The following DDR2 variants were observed in gnomAD, a reference collection of about 807,000 sequenced individuals.
DDR2 encodes the protein discoidin domain-containing receptor 2.
In DDR2, 27 loss-of-function variants were observed where a neutral mutation model predicts 94.9. The ratio of observed to expected loss-of-function variants is 0.28; its 90% CI spans 0.21 to 0.39. The LOEUF is 0.39. DDR2 is among the 10% of genes least tolerant of loss of function. The probability of loss-of-function intolerance (pLI) is 1.00; values close to 1 mark genes in which losing one functional copy is unlikely to be tolerated. For missense variants in DDR2, 783 were observed against 1,076.0 expected (o/e 0.73, Z 3.81); for synonymous variants, 382 against 377.2 (o/e 1.01, Z -0.15).
At chr1:162,755,472 C>A (rs565818129) in intron 6 of DDR2, among the ~76,000 whole-genome samples, 169 bp downstream of exon 6, 1 of 152,278 alleles carries the variant, frequency 6.6e-6, no homozygotes, top group South Asian at 2.1e-4. Context: ...GCTTAGGGCC[C>A]CACACTGAGT....
At chr1:162,690,498 G>T (rs1198405978) in intron 2 of DDR2, among the ~76,000 whole-genome samples, 1 of 151,936 alleles carries the variant, frequency 6.6e-6, no homozygotes, top group Non-Finnish European at 1.5e-5. Flanking sequence ...CATGTGCTAG[G>T]CATTGTTAGT....
intron 3 of DDR2, among the ~76,000 whole-genome samples, chr1:162,750,137 G>A (rs1018445402): frequency 5.0e-4 from 76 of 152,282 alleles, no homozygotes; most frequent in African/African-American, 1.8e-3. Flanking sequence ...TGGATGTTCT[G>A]GCCAGGGCAA....
At chr1:162,769,004 CCTT>C (rs1240586672) in intron 11 of DDR2, among the ~76,000 whole-genome samples, 1 of 152,184 alleles carries the variant, frequency 6.6e-6, no homozygotes, top group African/African-American at 2.4e-5. Flanking sequence ...GGATATGTGA[CCTT>C]CTTAAATAGT....
chr1:162,644,789 T>A (rs1657326886), intron 1 of DDR2, among the ~76,000 whole-genome samples: 1 of 151,884 alleles, frequency 6.6e-6, no homozygotes, highest in Admixed American at 6.6e-5. Context: ...AGACAGGGGG[T>A]TTCACTCTGT....
chr1:162,682,228 T>C (rs1445322317), intron 2 of DDR2, among the ~76,000 whole-genome samples: 1 of 152,186 alleles, frequency 6.6e-6, no homozygotes, highest in Non-Finnish European at 1.5e-5. Context: ...GGCTTAAGTA[T>C]GCATCTCCTT....
At chr1:162,753,934 T>C (rs889391554) in intron 4 of DDR2, among the ~76,000 whole-genome samples, 2 of 151,984 alleles carry the variant, frequency 1.3e-5, no homozygotes, top group Non-Finnish European at 2.9e-5. Context: ...TGATGGTAGG[T>C]GGAATTGGAA....
At chr1:162,768,293 G>C (rs775444540) in intron 11 of DDR2, among the ~76,000 whole-genome samples, 3 of 152,194 alleles carry the variant, frequency 2.0e-5, no homozygotes, top group Non-Finnish European at 4.4e-5. Flanking sequence ...CTTAGTGTCT[G>C]ATTCTTTTGG....
Position 162,760,358 on chromosome 1 carries a change from T to TTGTGTGTG in DDR2, c.855+395_855+402dup, listed in dbSNP as rs113653768. On this transcript the variant is annotated intron_variant, in intron 8 of 17. Transcript: ENST00000367921. ...AAAGATTATCTTTTTACCAGCACAG[T>TTGTGTGTG]TGTGTGTGTGTGTGTGTGTGTGTAT... Among the ~76,000 whole-genome samples, 1,426 of 143,030 alleles carry TTGTGTGTG rather than the reference T, an allele frequency of 1.0e-2. 29 individuals carry two copies. The highest frequency in any genetic ancestry group is 0.034 in the African/African-American group (1,348 of 39,198). The allele number at this position is 143,030 out of a possible 152,430, so 93.8% of individuals were successfully genotyped here.
intron 2 of DDR2, among the ~76,000 whole-genome samples, chr1:162,710,679 C>T (rs1027120763): frequency 1.3e-5 from 2 of 152,068 alleles, no homozygotes; most frequent in African/African-American, 4.8e-5. Flanking sequence ...AATTAAAATA[C>T]ATAGCCCTAA....
At chr1:162,729,343 T>C (rs770330494) in intron 3 of DDR2, among the ~76,000 whole-genome samples, 3 of 145,016 alleles carry the variant, frequency 2.1e-5, no homozygotes, top group Non-Finnish European at 3.0e-5. Context: ...AGTGTGATTG[T>C]TGACTTAGCT....
chr1:162,754,494 A>G (rs1462751545), intron 4 of DDR2, 130 bp from the exon 5 acceptor site: 11 of 903,036 alleles, frequency 1.2e-5, no homozygotes, highest in Non-Finnish European at 1.9e-5. Context: ...AACTGTGGCA[A>G]GAACCCAAAA....
intron 2 of DDR2, among the ~76,000 whole-genome samples, chr1:162,670,433 T>G: frequency 6.6e-6 from 1 of 152,190 alleles, no homozygotes; most frequent in East Asian, 1.9e-4. Context: ...GCTTTGCAAT[T>G]GATTGAATCA....
chr1:162,669,860 G>A (rs947001393), intron 2 of DDR2, among the ~76,000 whole-genome samples: 5 of 152,158 alleles, frequency 3.3e-5, no homozygotes, highest in Non-Finnish European at 1.5e-5. Context: ...CTGTAACTGG[G>A]CTATTTTCTC....
Position 162,784,541 on chromosome 1 carries a change from G to A in DDR2, c.*4295G>A, listed in dbSNP as rs537099383. On this transcript the variant is annotated 3_prime_UTR_variant, in exon 18 of 18. Transcript: ENST00000367921. ...CATTTTTATAAAAACAGATTAATGT[G>A]TTTTTCACTTAGTAAATGTTTTCAA... is the stretch of plus-strand genomic sequence containing the variant. The A allele has an allele frequency of 6.6e-6, 1 of 152,420 alleles. No homozygotes were observed. 9.4% of individuals were successfully genotyped at this position (152,420 alleles called of 1,614,324 possible).
intron 3 of DDR2, among the ~76,000 whole-genome samples, chr1:162,731,170 CAG>C (rs1268303717): frequency 6.6e-6 from 1 of 152,158 alleles, no homozygotes; most frequent in African/African-American, 2.4e-5. Flanking sequence ...CACCTAGAAA[CAG>C]AGATATTAAT....
In DDR2 at chr1:162,781,560, T is replaced by G. The variant is rs1007907055; in HGVS notation, c.*1314T>G. The G allele has an allele frequency of 7.9e-5, 12 of 152,280 alleles. No individual in the cohort carries two copies. The highest frequency in any genetic ancestry group is 3.9e-4 in the Admixed American group (6 of 15,286). 9.4% of individuals were successfully genotyped at this position (152,280 alleles called of 1,614,324 possible). On this transcript the variant is annotated 3_prime_UTR_variant, in exon 18 of 18. Transcript: ENST00000367921. ...GATGGTGGTATGAGACAATGTTTAA[T>G]GTCCTTCTAACTCCGAGAGTCCTTG...
intron 2 of DDR2, among the ~76,000 whole-genome samples, chr1:162,656,833 G>GTTGTTTTTTT (rs1657990644): frequency 6.1e-5 from 4 of 65,682 alleles, no homozygotes; most frequent in African/African-American, 2.0e-4. Flanking sequence ...TGCCACTGGA[G>GTTGTTTTTTT]TTTTTTTTTT....
chr1:162,724,316 A>G (rs976920811), intron 3 of DDR2, among the ~76,000 whole-genome samples: 9 of 152,146 alleles, frequency 5.9e-5, no homozygotes, highest in African/African-American at 1.9e-4. Flanking sequence ...TTCTGCAACC[A>G]ACTTCCAATG....
intron 3 of DDR2, among the ~76,000 whole-genome samples, chr1:162,745,574 A>G (rs1043944792): frequency 6.6e-6 from 1 of 151,900 alleles, no homozygotes; most frequent in African/African-American, 2.4e-5. Flanking sequence ...CCATTTATTA[A>G]TGAGATTTTT....
Sources: allele counts gnomAD v4.1 joint callset (sites outside exome capture counted in the v4.1 genomes callset), GRCh38; gene constraint gnomAD v4.1.1; transcripts MANE v1.5; gene names NCBI Gene and HGNC (gene_info 2026-07-23, HGNC 2026-07-21).